CCDC7: variants seen among roughly 807,000 people sequenced by gnomAD.
The protein encoded by CCDC7 is coiled-coil domain containing 7, also known as coiled-coil domain-containing protein 7.
A neutral mutation model predicts 196.9 loss-of-function variants in CCDC7; 183 were observed. The observed-to-expected ratio is 0.93, with a 90% CI of 0.82 to 1.05. The LOEUF is 1.05. Ranked by LOEUF, CCDC7 falls within the 50% of genes least tolerant of loss-of-function variation. The pLI is 0.00. For synonymous variants in CCDC7, 525 were observed against 484.6 expected, an observed-to-expected ratio of 1.08 and a Z score of -1.10; for missense variants, 1,540 against 1,482.2, an observed-to-expected ratio of 1.04 and a Z score of -0.64.
At chr10:32,872,254 G>C (rs2094456073) in intron 41 of CCDC7, among the ~76,000 whole-genome samples, 1 of 152,030 alleles carries the variant, frequency 6.6e-6, no homozygotes, top group South Asian at 2.1e-4. Context: ...TCTCTTTTTA[G>C]GTCTCTAAGG....
At chr10:32,503,210 A>T (rs2044352242) in intron 9 of CCDC7, among the ~76,000 whole-genome samples, 1 of 152,092 alleles carries the variant, frequency 6.6e-6, no homozygotes, top group African/African-American at 2.4e-5. Context: ...GAGAGTGGGT[A>T]TCCTTGTTTT....
At chr10:32,485,479 TG>T (rs2040867472) in intron 8 of CCDC7, among the ~76,000 whole-genome samples, 1 of 152,234 alleles carries the variant, frequency 6.6e-6, no homozygotes, top group South Asian at 2.1e-4. Context: ...AAGGGTTTTT[TG>T]TGTCTCTATT....
chr10:32,870,989 C>T (rs558087329), intron 41 of CCDC7, among the ~76,000 whole-genome samples: 2,670 of 152,176 alleles, frequency 0.018, 42 homozygotes, highest in Non-Finnish European at 0.028. Context: ...CTGCTGGATT[C>T]GGTTTGCCAG....
At chr10:32,812,176 A>G (rs952904846) in intron 30 of CCDC7, among the ~76,000 whole-genome samples, 1 of 152,068 alleles carries the variant, frequency 6.6e-6, no homozygotes, top group Non-Finnish European at 1.5e-5. Flanking sequence ...CACACTATAC[A>G]TATAACCAAA....
chr10:32,615,254 A>G (rs535570014), intron 18 of CCDC7, among the ~76,000 whole-genome samples: 268 of 152,316 alleles, frequency 1.8e-3, no homozygotes, highest in Non-Finnish European at 3.3e-3. Flanking sequence ...AAATTGCCAT[A>G]TGATTTTCCA....
intron 28 of CCDC7, among the ~76,000 whole-genome samples, chr10:32,760,292 A>C (rs1054751211): frequency 2.0e-5 from 3 of 152,188 alleles, no homozygotes; most frequent in Non-Finnish European, 4.4e-5. Context: ...AGACACATGC[A>C]CATGTATGTT....
intron 11 of CCDC7, among the ~76,000 whole-genome samples, chr10:32,528,753 T>G (rs1462681206): frequency 6.8e-6 from 1 of 146,078 alleles, no homozygotes; most frequent in African/African-American, 2.6e-5. Context: ...TATATACATA[T>G]ATACGTATTT....
At chr10:32,593,584 T>G (rs2060000545) in intron 18 of CCDC7, among the ~76,000 whole-genome samples, 1 of 152,266 alleles carries the variant, frequency 6.6e-6, no homozygotes, top group Non-Finnish European at 1.5e-5. Context: ...TGGCTTTTGT[T>G]GCCATTGCTT....
At chr10:32,804,935 AC>A in intron 29 of CCDC7, 79 bp from the exon 31 acceptor site, 1 of 750,596 alleles carries the variant, frequency 1.3e-6, no homozygotes, top group Non-Finnish European at 2.3e-6. Flanking sequence ...TTTAATACAC[AC>A]ACACACACAC....
At chr10:32,630,660 T>C (rs2064737989) in intron 18 of CCDC7, among the ~76,000 whole-genome samples, 1 of 152,152 alleles carries the variant, frequency 6.6e-6, no homozygotes, top group African/African-American at 2.4e-5. Flanking sequence ...GCACTATAAA[T>C]TGGCCTAGTA....
intron 29 of CCDC7, among the ~76,000 whole-genome samples, chr10:32,802,446 A>G (rs529438529): frequency 3.5e-4 from 54 of 152,310 alleles, no homozygotes; most frequent in African/African-American, 1.1e-3. Context: ...AATCATATTA[A>G]GCAGGCAACT....
At chr10:32,775,491 ACTAT>A (rs1159340611) in intron 28 of CCDC7, among the ~76,000 whole-genome samples, 2 of 152,198 alleles carry the variant, frequency 1.3e-5, no homozygotes, top group African/African-American at 2.4e-5. Context: ...ACCTATAGTA[ACTAT>A]CTGTTTTTAG....
At chr10:32,778,252 C>T (rs1028243198) in intron 28 of CCDC7, among the ~76,000 whole-genome samples, 7 of 152,172 alleles carry the variant, frequency 4.6e-5, no homozygotes, top group African/African-American at 1.7e-4. Context: ...GCCATACATT[C>T]TTTGCCAAGG....
At chr10:32,488,198 C>G (rs1482035658) in intron 8 of CCDC7, among the ~76,000 whole-genome samples, 1 of 152,246 alleles carries the variant, frequency 6.6e-6, no homozygotes, top group Non-Finnish European at 1.5e-5. Flanking sequence ...GCGCCCCTCC[C>G]TCAGCCTTGC....
At chr10:32,881,458 G>T (rs2094788531), downstream of CCDC7, among the ~76,000 whole-genome samples, 1 of 152,014 alleles carries the variant, frequency 6.6e-6, no homozygotes, top group South Asian at 2.1e-4. Context: ...TAAAATTCAG[G>T]GAACTCATAA....
intron 41 of CCDC7, among the ~76,000 whole-genome samples, chr10:32,871,492 T>G (rs574547250): frequency 6.6e-6 from 1 of 150,418 alleles, no homozygotes; most frequent in Non-Finnish European, 1.5e-5. Context: ...CTTCTCTTTT[T>G]TCTTCTTTAT....
At chr10:32,525,122 G>A (rs993430141) in intron 11 of CCDC7, among the ~76,000 whole-genome samples, 2 of 151,504 alleles carry the variant, frequency 1.3e-5, no homozygotes, top group Admixed American at 6.6e-5. Flanking sequence ...GGGAGGGATA[G>A]CATTGGACAA....
intron 18 of CCDC7, among the ~76,000 whole-genome samples, chr10:32,629,790 C>A (rs1282953578): frequency 6.6e-6 from 1 of 152,100 alleles, no homozygotes; most frequent in African/African-American, 2.4e-5. Flanking sequence ...GGGTGCCATC[C>A]CTTCCATTCT....
At chr10:32,862,735 GAA>G (rs1475902299) in intron 41 of CCDC7, among the ~76,000 whole-genome samples, 1 of 151,898 alleles carries the variant, frequency 6.6e-6, no homozygotes. Flanking sequence ...AAATCAGAAA[GAA>G]AAATACTCTG....
Sources: gnomAD v4.1 joint callset for allele counts (sites outside exome capture counted in the v4.1 genomes callset) on GRCh38, gnomAD v4.1.1 for gene constraint, MANE v1.5 for transcripts, NCBI Gene and HGNC (gene_info 2026-07-23, HGNC 2026-07-21) for gene names.